PRKN: variants seen among roughly 807,000 people sequenced by gnomAD.
PRKN encodes the protein parkin RBR E3 ubiquitin protein ligase, also known as E3 ubiquitin-protein ligase parkin.
Under a neutral mutation model 59.5 loss-of-function variants are expected in PRKN, and 56 were observed. That is an observed-to-expected ratio of 0.94 (90% confidence interval 0.76 to 1.18). The LOEUF (loss-of-function observed/expected upper bound fraction) is 1.18. PRKN is among the 50% of genes most tolerant of loss of function. The pLI is 0.00. For synonymous variants in PRKN, 250 were observed against 222.1 expected (o/e 1.13, Z -1.12); for missense variants, 657 against 596.4 (o/e 1.10, Z -1.06).
chr6:161,941,687 C>A (rs1170288668), intron 6 of PRKN, among the ~76,000 whole-genome samples: 2 of 152,176 alleles, frequency 1.3e-5, no homozygotes, highest in Non-Finnish European at 2.9e-5. Flanking sequence ...AACATTCACC[C>A]CTAGACACTG....
chr6:161,669,829 C>T (rs547010146), intron 7 of PRKN, among the ~76,000 whole-genome samples: 3 of 152,328 alleles, frequency 2.0e-5, no homozygotes, highest in African/African-American at 7.2e-5. Flanking sequence ...TCATTAGTCC[C>T]GTTTCACCAT....
At chr6:162,378,147 T>C (rs182569017) in intron 2 of PRKN, among the ~76,000 whole-genome samples, 199 of 152,320 alleles carry the variant, frequency 1.3e-3, no homozygotes, top group Middle Eastern at 3.4e-3. Context: ...TATCTGGAGT[T>C]CTTTTCTCCC....
intron 1 of PRKN, among the ~76,000 whole-genome samples, chr6:162,517,764 T>G (rs556550290): frequency 2.4e-4 from 37 of 151,976 alleles, no homozygotes; most frequent in Middle Eastern, 3.4e-3. Context: ...TCTGGTAAAC[T>G]AAAATGGACA....
rs540823133 is a variant in PRKN, at chr6:161,904,992, C to G, written c.734+68310G>C. 1.8e-3 allele frequency among the ~76,000 whole-genome samples: 267 copies of G among 152,242 alleles called. 2 individuals are homozygous for G. The highest frequency in any genetic ancestry group is 3.1e-3 in the Non-Finnish European group (214 of 68,026). ...TTCTAATTTTTAACTCTTACACGGA[C>G]TTAAATTTTGTTTAATGCTTAGCTA... On this transcript the variant is annotated intron_variant, in intron 6 of 11. Transcript: ENST00000366898.
At chr6:162,315,444 A>G (rs7760647) in intron 2 of PRKN, among the ~76,000 whole-genome samples, 94,356 of 151,970 alleles carry the variant, frequency 0.62, 29,644 homozygotes, top group East Asian at 0.73. Flanking sequence ...ACTGCCTCAA[A>G]AGCAGGGTTG....
chr6:162,643,523 G>T (rs140838867), intron 1 of PRKN, among the ~76,000 whole-genome samples: 1 of 152,102 alleles, frequency 6.6e-6, no homozygotes, highest in Admixed American at 6.6e-5. Flanking sequence ...CCATTTCGGC[G>T]GGGAGGCAGA....
At chr6:161,609,428 G>A (rs2128146054) in intron 7 of PRKN, among the ~76,000 whole-genome samples, 1 of 151,942 alleles carries the variant, frequency 6.6e-6, no homozygotes, top group South Asian at 2.1e-4. Flanking sequence ...TTAGTTCAAT[G>A]GCATCTTAAT....
intron 1 of PRKN, among the ~76,000 whole-genome samples, chr6:162,715,289 T>C (rs1278300232): frequency 6.6e-6 from 1 of 152,232 alleles, no homozygotes; most frequent in African/African-American, 2.4e-5. Context: ...CTCCTTTGAA[T>C]CACACTTTCA....
chr6:162,004,832 C>T (rs1169069548), intron 5 of PRKN, among the ~76,000 whole-genome samples: 3 of 152,032 alleles, frequency 2.0e-5, no homozygotes, highest in Non-Finnish European at 2.9e-5. Flanking sequence ...CATATGATTA[C>T]GAATGGAAAG....
In PRKN at chr6:162,346,456, A is replaced by T. The variant is rs539334769; in HGVS notation, c.172-83691T>A. Among the ~76,000 whole-genome samples the T allele has an allele frequency of 8.0e-5, 12 of 150,694 alleles. No individual in the cohort carries two copies. In the South Asian group the frequency reaches 2.5e-3, roughly 32 times the overall value. ...CATAGTGAAAAATCTGTCTCTACAA[A>T]AAAAAAAAAAAAAAGCTAGCCAGGT... On this transcript the variant is annotated intron_variant, in intron 2 of 11. Coordinates refer to ENST00000366898, the MANE Select transcript of PRKN (RefSeq NM_004562.3).
chr6:162,629,816 C>T (rs6911406), intron 1 of PRKN, among the ~76,000 whole-genome samples: 35,114 of 151,952 alleles, frequency 0.23, 4,839 homozygotes, highest in African/African-American at 0.37. Flanking sequence ...GTCACAGAAT[C>T]TAGAATAATT....
intron 9 of PRKN, among the ~76,000 whole-genome samples, chr6:161,540,123 C>T (rs1447995248): frequency 6.6e-6 from 1 of 152,152 alleles, no homozygotes; most frequent in Non-Finnish European, 1.5e-5. Context: ...AGCACTACAT[C>T]CTTAGGATTG....
chr6:162,475,563 ATG>A (rs1490325667), intron 1 of PRKN, among the ~76,000 whole-genome samples: 4 of 140,364 alleles, frequency 2.8e-5, no homozygotes, highest in African/African-American at 8.2e-5. Flanking sequence ...ATGTGTATGC[ATG>A]TGAGTGTGTG....
intron 7 of PRKN, among the ~76,000 whole-genome samples, chr6:161,611,362 G>A (rs909832247): frequency 6.6e-6 from 1 of 152,174 alleles, no homozygotes; most frequent in African/African-American, 2.4e-5. Flanking sequence ...CAGTTTTTAC[G>A]CATTGAAGGT....
intron 5 of PRKN, among the ~76,000 whole-genome samples, chr6:161,998,563 T>C (rs778878958): frequency 2.0e-5 from 3 of 152,172 alleles, no homozygotes; most frequent in Non-Finnish European, 4.4e-5. Flanking sequence ...CCAGTTATCC[T>C]AGTTACAGCT....
chr6:162,293,744 T>C (rs1781540555), intron 2 of PRKN, among the ~76,000 whole-genome samples: 1 of 152,142 alleles, frequency 6.6e-6, no homozygotes, highest in Admixed American at 6.5e-5. Context: ...TGGGAAAGAC[T>C]GGGGTTCCCC....
At chr6:162,059,624 C>T (rs996057105) in intron 4 of PRKN, among the ~76,000 whole-genome samples, 2 of 152,104 alleles carry the variant, frequency 1.3e-5, no homozygotes, top group African/African-American at 2.4e-5. Context: ...GATGATAATA[C>T]GTCAATTAGA....
chr6:162,307,412 A>C lies in PRKN; in HGVS notation c.172-44647T>G, dbSNP rs569910145. On this transcript the variant is annotated intron_variant, in intron 2 of 11. Transcript: ENST00000366898. ...GACACCGTCTCAATAAAAAAAAAAA[A>C]AAAAAACACCAACTAGATATAACTA... Among the ~76,000 whole-genome samples the C allele has an allele frequency of 1.3e-3, 189 of 142,276 alleles. 2 individuals carry two copies. The highest frequency in any genetic ancestry group is 4.9e-3 in the African/African-American group (160 of 32,626). 93.3% of individuals were successfully genotyped at this position (142,276 alleles called of 152,430 possible).
intron 1 of PRKN, among the ~76,000 whole-genome samples, chr6:162,621,938 C>A (rs1334090106): frequency 6.6e-6 from 1 of 152,128 alleles, no homozygotes; most frequent in Non-Finnish European, 1.5e-5. Context: ...TCTCAGCCTT[C>A]CAAGGAGCTG....
Sources: allele counts gnomAD v4.1 joint callset (sites outside exome capture counted in the v4.1 genomes callset), GRCh38; gene constraint gnomAD v4.1.1; transcripts MANE v1.5; gene names NCBI Gene and HGNC (gene_info 2026-07-23, HGNC 2026-07-21).